POLR1F: variants seen among roughly 807,000 people sequenced by gnomAD.
POLR1F encodes DNA-directed RNA polymerase I subunit RPA43.
Under a neutral mutation model 21.8 loss-of-function variants are expected in POLR1F, and 23 were observed. That is an observed-to-expected ratio of 1.05 (90% CI 0.76 to 1.49). The LOEUF is 1.49. POLR1F is among the 40% of genes most tolerant of loss of function. The pLI, the probability that POLR1F is intolerant of heterozygous loss-of-function variation, is 0.00. For missense variants in POLR1F, 435 were observed against 412.1 expected (o/e 1.06, Z -0.48); for synonymous variants, 162 against 152.8 (o/e 1.06, Z -0.45).
Position 19,698,142 on chromosome 7 carries a change from A to G in POLR1F, c.*174T>C, listed in dbSNP as rs1783395410. 1 of 508,008 alleles carries G rather than the reference A, an allele frequency of 2.0e-6. No individual in the cohort carries two copies. 31.5% of individuals were successfully genotyped at this position (508,008 alleles called of 1,614,324 possible). A position where few individuals can be genotyped will look rare whatever the true frequency, so the allele number is the denominator to read the frequency against. ...TTTTAACAATACTGGCTTTCCCCAA[A>G]TTAATTTACAGTCAGTTTTATCATT... is the stretch of plus-strand genomic sequence containing the variant. On this transcript the variant is annotated 3_prime_UTR_variant, in exon 4 of 4. Coordinates refer to ENST00000222567, the MANE Select transcript of POLR1F (RefSeq NM_001002926.2).
intron 2 of POLR1F, among the ~76,000 whole-genome samples, chr7:19,703,808 G>A (rs1783478872): frequency 6.6e-6 from 1 of 152,056 alleles, no homozygotes; most frequent in Admixed American, 6.5e-5. Context: ...TGCCCACGTT[G>A]GTCTTAAACT....
In POLR1F at chr7:19,698,578, T is replaced by C. The variant is rs1187155085; in HGVS notation, c.755A>G (p.Asp252Gly). 1.9e-6 allele frequency: 3 copies of C among 1,613,388 alleles called. No homozygotes were observed. The highest frequency in any genetic ancestry group is 1.6e-4 in the Middle Eastern group (1 of 6,080). ...GGCTGACTCTTCCATTGGAGTGTCA[T>C]CTGCATCATCTGCTAGCTTTGTGGT... Reference protein sequence around the residue: ...SGTTKLADDADDTPMEESALQ... With the variant: ...SGTTKLADDAGDTPMEESALQ... The change falls in exon 4 of 4, where the codon GAT (aspartate) becomes GGT (glycine). Residue 252 changes from aspartate (D) to glycine (G), a missense_variant. Asp to Gly is a moderately conservative substitution (Grantham distance 94, BLOSUM62 -1). Transcript: ENST00000222567.
chr7:19,701,610 C>A (rs552976803), intron 2 of POLR1F, among the ~76,000 whole-genome samples: 1 of 152,162 alleles, frequency 6.6e-6, no homozygotes, highest in Non-Finnish European at 1.5e-5. Flanking sequence ...ACAGCCGGTT[C>A]TTACCTTAGA....
intron 2 of POLR1F, among the ~76,000 whole-genome samples, chr7:19,704,228 G>A (rs1052656567): frequency 3.3e-5 from 5 of 152,172 alleles, no homozygotes; most frequent in African/African-American, 1.2e-4. Flanking sequence ...ACAGAGAACT[G>A]CTGGAGGAAG....
At position 19,698,705 on chromosome 7, in the gene POLR1F, C is replaced by T. The variant is rs1287631287; in HGVS notation, c.628G>A (p.Val210Ile). Reference protein sequence around the residue: ...ITSLQFKRSEVSEEVTENGTE... With the variant: ...ITSLQFKRSEISEEVTENGTE... ...CCATTTTCTGTAACTTCTTCAGAAA[C>T]TTCAGAGCGCTTGAATTGTAAACTA... The change falls in exon 4 of 4, where the codon GTT becomes ATT. Residue 210 changes from valine to isoleucine, a missense_variant. Transcript: ENST00000222567. 1.3e-6 allele frequency: 2 copies of T among 1,552,554 alleles called. No individual in the cohort carries two copies. The highest frequency in any genetic ancestry group is 1.7e-6 in the Non-Finnish European group (2 of 1,160,210).
rs1405678834 is a variant in POLR1F, at chr7:19,709,010, C to T, written c.7G>A (p.Ala3Thr). ...GGCCGCGGCGCCTCTGAGCAACCTG[C>T]AGCCATGCTGCTTGTCAAGGTTCCC... The part of the protein sequence containing the change: MA[A>T]GCSEAPRPAA... The change falls in exon 1 of 4, where the codon GCA (alanine) becomes ACA (threonine). Residue 3 changes from alanine to threonine, a missense_variant. Ala to Thr is a moderately conservative substitution (Grantham distance 58). Transcript: ENST00000222567. 22 of 1,580,950 alleles carry T rather than the reference C, an allele frequency of 1.4e-5. No individual in the cohort carries two copies. The highest frequency in any genetic ancestry group is 1.8e-5 in the Non-Finnish European group (21 of 1,163,204).
At chr7:19,704,509 T>C (rs1175104924) in intron 2 of POLR1F, among the ~76,000 whole-genome samples, 3 of 152,214 alleles carry the variant, frequency 2.0e-5, no homozygotes, top group African/African-American at 7.2e-5. Context: ...ATAATGATAA[T>C]TGATTTTTTT....
At chr7:19,708,050 C>A (rs966343817) in intron 1 of POLR1F, among the ~76,000 whole-genome samples, 1 of 151,946 alleles carries the variant, frequency 6.6e-6, no homozygotes, top group African/African-American at 2.4e-5. Context: ...CCGCGCCCCC[C>A]GCCCCACACC....
chr7:19,705,013 G>T, intron 1 of POLR1F, 93 bp from the exon 2 acceptor site: 1 of 1,349,784 alleles, frequency 7.4e-7, no homozygotes, highest in Non-Finnish European at 1.0e-6. Flanking sequence ...ACCCAGGATA[G>T]GGTGCAGTGA....
At chr7:19,705,911 C>A (rs536449799) in intron 1 of POLR1F, among the ~76,000 whole-genome samples, 1 of 152,248 alleles carries the variant, frequency 6.6e-6, no homozygotes, top group African/African-American at 2.4e-5. Flanking sequence ...ACACCCACTA[C>A]TTGTTGGAGA....
intron 1 of POLR1F, among the ~76,000 whole-genome samples, chr7:19,707,830 T>G (rs530106451): frequency 6.6e-6 from 1 of 152,324 alleles, no homozygotes; most frequent in Admixed American, 6.5e-5. Context: ...AAGTGTATAT[T>G]GGTGCTTGGA....
chr7:19,699,571 CCTT>C (rs1783422611), intron 3 of POLR1F, among the ~76,000 whole-genome samples: 2 of 152,152 alleles, frequency 1.3e-5, no homozygotes, highest in Non-Finnish European at 2.9e-5. Flanking sequence ...TTGTCTCTCT[CCTT>C]CTTCCTTTAA....
intron 1 of POLR1F, among the ~76,000 whole-genome samples, chr7:19,706,464 G>A (rs1466562272): frequency 6.6e-6 from 1 of 152,164 alleles, no homozygotes; most frequent in African/African-American, 2.4e-5. Context: ...GTGGAAGGGG[G>A]GACATGTGGA....
chr7:19,704,751 G>A (rs775281797), intron 2 of POLR1F, 28 bp downstream of exon 2: 1 of 1,561,418 alleles, frequency 6.4e-7, no homozygotes, highest in Non-Finnish European at 8.6e-7. Flanking sequence ...ATTATACAAA[G>A]GGAGCTAGAA....
chr7:19,701,559 C>T lies in POLR1F; in HGVS notation c.397-1279G>A, dbSNP rs185809770. Reference sequence around the variant, plus strand: ...AATAGTCACAAACCTTTTTGGAAGGCCAAAAGGTTACATAGCTTGTAATAG... The same window carrying T: ...AATAGTCACAAACCTTTTTGGAAGGTCAAAAGGTTACATAGCTTGTAATAG... On this transcript the variant is annotated intron_variant, in intron 2 of 3. Transcript: ENST00000222567. Among the ~76,000 whole-genome samples the T allele has an allele frequency of 5.3e-3, 809 of 152,268 alleles. 9 individuals are homozygous for T. The highest frequency in any genetic ancestry group is 0.028 in the South Asian group (135 of 4,822).
rs747602644 is a variant in POLR1F at position 19,700,295 on chromosome 7, G to T, written c.397-15C>A. ...TTAACTATACCCTGGGAAGAAGAAG[G>T]AAGAAAGAGCGTAACATAAAGAACA... On this transcript the variant is annotated splice_polypyrimidine_tract_variant and intron_variant, in intron 2 of 3. Coordinates refer to ENST00000222567, the MANE Select transcript of POLR1F (RefSeq NM_001002926.2). 1.2e-6 allele frequency: 2 copies of T among 1,601,220 alleles called. No individual in the cohort carries two copies. Among genetic ancestry groups the T allele is most frequent in the East Asian group, 4.5e-5 (2 of 44,792 alleles).
chr7:19,708,138 AG>A (rs1256525675), intron 1 of POLR1F, among the ~76,000 whole-genome samples: 1 of 152,174 alleles, frequency 6.6e-6, no homozygotes, highest in Non-Finnish European at 1.5e-5. Flanking sequence ...CTCTCCCCAA[AG>A]CAACAGGCTC....
At chr7:19,701,239 G>C (rs1783442477) in intron 2 of POLR1F, among the ~76,000 whole-genome samples, 1 of 152,150 alleles carries the variant, frequency 6.6e-6, no homozygotes, top group Non-Finnish European at 1.5e-5. Flanking sequence ...ACCATAAAAA[G>C]ACATAGCGAA....
rs1783355624 is a variant in POLR1F at position 19,695,853 on chromosome 7, C to G, written c.*2463G>C. 6.6e-6 allele frequency: 1 copy of G among 152,146 alleles called. No individual in the cohort carries two copies. Among genetic ancestry groups the G allele is most frequent in the Non-Finnish European group, 1.5e-5 (1 of 67,980 alleles). 9.4% of individuals were successfully genotyped at this position (152,146 alleles called of 1,614,324 possible). On this transcript the variant is annotated 3_prime_UTR_variant, in exon 4 of 4. Coordinates refer to ENST00000222567, the MANE Select transcript of POLR1F (RefSeq NM_001002926.2). ...TTTTTCTTCTCCAAGGGTCAAAATG[C>G]TGCTCTTCCAACAACAAGCTTAAAC...
Sources: gnomAD v4.1 joint callset for allele counts (sites outside exome capture counted in the v4.1 genomes callset) on GRCh38, gnomAD v4.1.1 for gene constraint, MANE v1.5 for transcripts, NCBI Gene and HGNC (gene_info 2026-07-23, HGNC 2026-07-21) for gene names.